PLPP4: variants seen among roughly 807,000 people sequenced by gnomAD.
PLPP4 encodes the protein diacylglycerol pyrophosphate like 2.
In PLPP4, 20 loss-of-function variants were observed where a neutral mutation model predicts 32.2. The ratio of observed to expected loss-of-function variants is 0.62; its 90% confidence interval spans 0.44 to 0.90. PLPP4 has a LOEUF of 0.90. Among genes scored for constraint, PLPP4 ranks in the 40% least tolerant of loss-of-function variants. The pLI is 0.00. For synonymous variants in PLPP4, 127 were observed against 133.0 expected, an observed-to-expected ratio of 0.95 and a Z score of 0.31; for missense variants, 257 against 353.1, an observed-to-expected ratio of 0.73 and a Z score of 2.18.
rs1373308418 is a variant in PLPP4, at chr10:120,503,866, G to A, written c.105G>A (p.Glu35=). 6.2e-7 allele frequency: 1 copy of A among 1,613,906 alleles called. No homozygotes were observed. Among genetic ancestry groups the A allele is most frequent in the African/African-American group, 1.3e-5 (1 of 75,048 alleles). ...TCCAGAGAGTCATCCAGCCAGAAGA[G>A]ATCTGGCTCTATAAAAATCCTTTGG... ...DPFQRVIQPE[E]IWLYKNPLVQ... is the part of the protein sequence containing the mutation. Residue 35 remains glutamate (E), a synonymous_variant, in exon 2 of 7, where the codon GAG becomes GAA. Transcript: ENST00000398250.
At chr10:120,463,272 C>A (rs558693819) in intron 1 of PLPP4, among the ~76,000 whole-genome samples, 4 of 152,214 alleles carry the variant, frequency 2.6e-5, no homozygotes, top group African/African-American at 9.6e-5. Flanking sequence ...GTGATCTGCC[C>A]ACCTTGGCCT....
chr10:120,556,198 C>T (rs1454695031), intron 5 of PLPP4, among the ~76,000 whole-genome samples: 1 of 152,164 alleles, frequency 6.6e-6, no homozygotes, highest in African/African-American at 2.4e-5. Flanking sequence ...GGTAGCTTTC[C>T]TGCTGTTCAC....
intron 1 of PLPP4, among the ~76,000 whole-genome samples, chr10:120,502,519 G>A (rs778536393): frequency 2.0e-5 from 3 of 152,170 alleles, no homozygotes; most frequent in Non-Finnish European, 4.4e-5. Flanking sequence ...GTCTCTGAGT[G>A]CCTACAGTGG....
In PLPP4 at chr10:120,564,885, A is replaced by G. The variant is rs190241451; in HGVS notation, c.446-10246A>G. On this transcript the variant is annotated intron_variant, in intron 5 of 6. Transcript: ENST00000398250. ...TAAATAGGGAGCAAATTTCTATTCT[A>G]TTTCTTATAATTACTCACATATTTA... 1.8e-3 allele frequency among the ~76,000 whole-genome samples: 271 copies of G among 152,056 alleles called. 1 individual carries two copies. The highest frequency in any genetic ancestry group is 1.3e-3 in the Non-Finnish European group (88 of 67,944).
intron 2 of PLPP4, among the ~76,000 whole-genome samples, chr10:120,510,072 T>C (rs1329501237): frequency 2.0e-5 from 3 of 152,220 alleles, no homozygotes. Flanking sequence ...AAGAAGCCTT[T>C]TCCATGTAGG....
chr10:120,484,270 C>T (rs572649195), intron 1 of PLPP4, among the ~76,000 whole-genome samples: 4 of 152,314 alleles, frequency 2.6e-5, no homozygotes, highest in Admixed American at 2.0e-4. Flanking sequence ...AACAGTATAT[C>T]ATTGCAAATA....
At chr10:120,538,052 C>CTCTCTCTCTCTGTGTGTG in intron 5 of PLPP4, among the ~76,000 whole-genome samples, 1 of 18,994 alleles carries the variant, frequency 5.3e-5, no homozygotes, top group South Asian at 2.0e-3. Flanking sequence ...CTCTCTCTCT[C>CTCTCTCTCTCTGTGTGTG]TGTGTGTGTG....
intron 1 of PLPP4, among the ~76,000 whole-genome samples, chr10:120,459,059 C>G (rs1034128184): frequency 6.6e-6 from 1 of 152,072 alleles, no homozygotes; most frequent in Non-Finnish European, 1.5e-5. Context: ...CTTCCAATAT[C>G]CCCCCCAAAT....
intron 6 of PLPP4, chr10:120,580,952 C>A: frequency 7.8e-7 from 1 of 1,289,312 alleles, no homozygotes; most frequent in Non-Finnish European, 1.0e-6. Context: ...GCTGCCAACC[C>A]CCGCCTCTGT....
At chr10:120,492,227 T>C (rs1844754500) in intron 1 of PLPP4, among the ~76,000 whole-genome samples, 1 of 152,186 alleles carries the variant, frequency 6.6e-6, no homozygotes, top group Non-Finnish European at 1.5e-5. Context: ...GATTTTCTGT[T>C]TGTGTTCAGA....
At chr10:120,550,856 A>C (rs1436053147) in intron 5 of PLPP4, among the ~76,000 whole-genome samples, 1 of 152,088 alleles carries the variant, frequency 6.6e-6, no homozygotes, top group East Asian at 1.9e-4. Context: ...TCTTTAGGAG[A>C]AACACAACAG....
At chr10:120,461,273 C>T (rs991371200) in intron 1 of PLPP4, among the ~76,000 whole-genome samples, 5 of 152,242 alleles carry the variant, frequency 3.3e-5, no homozygotes, top group African/African-American at 9.6e-5. Context: ...TAGGAATACA[C>T]TGCTTTCTTC....
At chr10:120,580,464 A>G (rs1849440381) in intron 6 of PLPP4, among the ~76,000 whole-genome samples, 1 of 152,134 alleles carries the variant, frequency 6.6e-6, no homozygotes, top group African/African-American at 2.4e-5. Context: ...TCTTGGTTTT[A>G]ACCAGTTTCA....
At chr10:120,543,964 A>G (rs1242202976) in intron 5 of PLPP4, among the ~76,000 whole-genome samples, 1 of 152,174 alleles carries the variant, frequency 6.6e-6, no homozygotes, top group Non-Finnish European at 1.5e-5. Context: ...TTTAAGACTG[A>G]ATATTATTCC....
rs7087542 is a variant in PLPP4, at chr10:120,535,687, T to A, written c.445+14592T>A. On this transcript the variant is annotated intron_variant, in intron 5 of 6. Transcript: ENST00000398250. ...GTCTTCTTGATATTTTGAGCCTTTT[T>A]TTCCAATATTAAATGTCCTCGTTTT... Among the ~76,000 whole-genome samples, 195 of 152,122 alleles carry A rather than the reference T, an allele frequency of 1.3e-3. 1 individual carries two copies. Among genetic ancestry groups the A allele is most frequent in the African/African-American group, 4.4e-3 (184 of 41,488 alleles).
chr10:120,533,143 G>A (rs960785147), intron 5 of PLPP4, among the ~76,000 whole-genome samples: 5 of 152,146 alleles, frequency 3.3e-5, no homozygotes, highest in African/African-American at 9.7e-5. Flanking sequence ...CCAACAGACT[G>A]ACATCTGATA....
intron 1 of PLPP4, 126 bp downstream of exon 1, chr10:120,457,487 C>A (rs1405816064): frequency 1.4e-6 from 1 of 719,790 alleles, no homozygotes; most frequent in Non-Finnish European, 2.2e-6. Flanking sequence ...GTCCCTTCCC[C>A]GCCAAGTGCC....
At chr10:120,458,807 G>A (rs1847908533) in intron 1 of PLPP4, among the ~76,000 whole-genome samples, 1 of 152,132 alleles carries the variant, frequency 6.6e-6, no homozygotes, top group Admixed American at 6.5e-5. Flanking sequence ...TGATCAGATG[G>A]GGACAGTTTC....
chr10:120,490,171 A>G (rs1292243469), intron 1 of PLPP4, among the ~76,000 whole-genome samples: 1 of 152,220 alleles, frequency 6.6e-6, no homozygotes, highest in Non-Finnish European at 1.5e-5. Context: ...ACAGGCAACC[A>G]TTCCTGGTCC....
Sources: gnomAD v4.1 joint callset for allele counts (sites outside exome capture counted in the v4.1 genomes callset) on GRCh38, gnomAD v4.1.1 for gene constraint, MANE v1.5 for transcripts, NCBI Gene and HGNC (gene_info 2026-07-23, HGNC 2026-07-21) for gene names.